Variants in TAMM41 observed in about 807,000 individuals in gnomAD.
TAMM41 encodes the protein phosphatidate cytidylyltransferase, mitochondrial.
Under a neutral mutation model 44.1 loss-of-function variants are expected in TAMM41, and 36 were observed. The observed-to-expected ratio is 0.82, with a 90% CI of 0.63 to 1.08. The LOEUF is 1.08. Ranked by LOEUF, TAMM41 falls within the 50% of genes least tolerant of loss-of-function variation. TAMM41 has a pLI of 0.00. For synonymous variants in TAMM41, 164 were observed against 153.1 expected (o/e 1.07, Z -0.53); for missense variants, 417 against 404.3 (o/e 1.03, Z -0.27).
the TAMM41 span, among the ~76,000 whole-genome samples, chr3:11,782,816 A>AT: frequency 6.6e-6 from 1 of 152,094 alleles, no homozygotes; most frequent in African/African-American, 2.4e-5. Context: ...AAGCTCAGTG[A>AT]TTTTTTGGTG....
chr3:11,723,580 C>CAAAAAAA, the TAMM41 span, among the ~76,000 whole-genome samples: 1 of 97,244 alleles, frequency 1.0e-5, no homozygotes, highest in East Asian at 2.8e-4. Context: ...GACCCTGTCT[C>CAAAAAAA]AAAAAAAAAA....
chr3:11,842,585 T>G (rs1376281326), intron 2 of TAMM41, among the ~76,000 whole-genome samples: 3 of 151,942 alleles, frequency 2.0e-5, no homozygotes, highest in Non-Finnish European at 4.4e-5. Context: ...CCCCAGCTAC[T>G]TGGGAGGCTG....
the TAMM41 span, among the ~76,000 whole-genome samples, chr3:11,761,502 G>A: frequency 6.6e-6 from 1 of 152,120 alleles, no homozygotes; most frequent in African/African-American, 2.4e-5. Context: ...CCAGGTCACT[G>A]CAAAGACTGG....
At chr3:11,732,356 T>C in the TAMM41 span, among the ~76,000 whole-genome samples, 11 of 151,976 alleles carry the variant, frequency 7.2e-5, no homozygotes, top group Non-Finnish European at 1.0e-4. Flanking sequence ...TCCTTCCTTC[T>C]GTCTAGAGCA....
chr3:11,834,174 G>T (rs2079086869), intron 3 of TAMM41, among the ~76,000 whole-genome samples: 1 of 152,060 alleles, frequency 6.6e-6, no homozygotes, highest in Non-Finnish European at 1.5e-5. Context: ...AGCCCGGGAG[G>T]TCGAGTAAAT....
intron 4 of TAMM41, among the ~76,000 whole-genome samples, chr3:11,822,207 T>C (rs1559299881): frequency 6.6e-6 from 1 of 152,186 alleles, no homozygotes; most frequent in Admixed American, 6.5e-5. Flanking sequence ...AAAAAGATCA[T>C]TTCAGTGCAG....
chr3:11,774,212 C>T, the TAMM41 span, among the ~76,000 whole-genome samples: 1 of 152,222 alleles, frequency 6.6e-6, no homozygotes, highest in Non-Finnish European at 1.5e-5. Context: ...TTCTCCGACT[C>T]TATGAACGCA....
chr3:11,829,333 C>G (rs1449843060), intron 4 of TAMM41, among the ~76,000 whole-genome samples: 1 of 152,088 alleles, frequency 6.6e-6, no homozygotes, highest in Non-Finnish European at 1.5e-5. Context: ...GTTGTTCAGA[C>G]ACAGGCTAAA....
chr3:11,763,086 C>T, the TAMM41 span, among the ~76,000 whole-genome samples: 1 of 152,148 alleles, frequency 6.6e-6, no homozygotes, highest in African/African-American at 2.4e-5. Context: ...ATCATTTGCC[C>T]TCCCAGTGTA....
At chr3:11,743,285 C>G in the TAMM41 span, among the ~76,000 whole-genome samples, 104 of 151,820 alleles carry the variant, frequency 6.9e-4, no homozygotes, top group African/African-American at 2.2e-3. Context: ...CCATGGTCCT[C>G]CAAACCCCAT....
intron 6 of TAMM41, 112 bp downstream of exon 6, chr3:11,809,405 C>G: frequency 8.0e-7 from 1 of 1,249,364 alleles, no homozygotes; most frequent in Non-Finnish European, 1.1e-6. Context: ...TTCTGAGAGG[C>G]AATCTCTCTA....
the TAMM41 span, among the ~76,000 whole-genome samples, chr3:11,756,900 C>A: frequency 2.0e-5 from 3 of 151,672 alleles, no homozygotes; most frequent in African/African-American, 7.3e-5. Flanking sequence ...ATCCAGTCTT[C>A]CAGATTCCAA....
At chr3:11,772,861 T>TA in the TAMM41 span, among the ~76,000 whole-genome samples, 2 of 152,192 alleles carry the variant, frequency 1.3e-5, no homozygotes, top group African/African-American at 4.8e-5. Context: ...GTAGGGTCTT[T>TA]ATCGTCTCCA....
chr3:11,823,593 G>A (rs1023548988), intron 4 of TAMM41, among the ~76,000 whole-genome samples: 1 of 150,956 alleles, frequency 6.6e-6, no homozygotes, highest in Non-Finnish European at 1.5e-5. Context: ...ATATATTCTG[G>A]ATACTAGTCC....
At chr3:11,745,984 C>T in the TAMM41 span, among the ~76,000 whole-genome samples, 1 of 152,128 alleles carries the variant, frequency 6.6e-6, no homozygotes, top group East Asian at 1.9e-4. Context: ...CTCTCATATA[C>T]CGTTTGGCAC....
At chr3:11,753,777 T>C in the TAMM41 span, among the ~76,000 whole-genome samples, 1 of 151,528 alleles carries the variant, frequency 6.6e-6, no homozygotes, top group South Asian at 2.1e-4. Context: ...TGGGAGGTGA[T>C]GAACTCCAGG....
chr3:11,842,409 A>C (rs2079491732), intron 2 of TAMM41, among the ~76,000 whole-genome samples: 1 of 151,660 alleles, frequency 6.6e-6, no homozygotes, highest in Admixed American at 6.6e-5. Flanking sequence ...AAAAAAAAAA[A>C]AAAAGCAGAA....
At chr3:11,834,978 G>A (rs1470060215) in intron 3 of TAMM41, among the ~76,000 whole-genome samples, 9 of 152,098 alleles carry the variant, frequency 5.9e-5, no homozygotes, top group East Asian at 1.9e-4. Context: ...ATGAGCCACC[G>A]CACTCGGCCT....
the TAMM41 span, among the ~76,000 whole-genome samples, chr3:11,751,340 C>T: frequency 2.6e-5 from 4 of 152,126 alleles, no homozygotes; most frequent in Admixed American, 2.6e-4. Context: ...GATCTGCCCG[C>T]CTCGGCCCCC....
Sources: gnomAD v4.1 joint callset for allele counts (sites outside exome capture counted in the v4.1 genomes callset) on GRCh38, gnomAD v4.1.1 for gene constraint, MANE v1.5 for transcripts, NCBI Gene and HGNC (gene_info 2026-07-23, HGNC 2026-07-21) for gene names.